Variants in PAM observed in about 807,000 individuals in gnomAD.
PAM encodes peptidylglycine alpha-amidating monooxygenase.
Under a neutral mutation model 122.1 loss-of-function variants are expected in PAM, and 72 were observed. The ratio of observed to expected loss-of-function variants is 0.59; its 90% CI spans 0.49 to 0.72. The LOEUF (loss-of-function observed/expected upper bound fraction) is 0.72, where lower values mean the gene tolerates loss of function less well. Ranked by LOEUF, PAM falls within the 30% of genes least tolerant of loss-of-function variation. The probability of loss-of-function intolerance (pLI) is 0.00; values close to 1 mark genes in which losing one functional copy is unlikely to be tolerated. For synonymous variants in PAM, 389 were observed against 404.4 expected, an observed-to-expected ratio of 0.96 and a Z score of 0.46; for missense variants, 1,106 against 1,183.7, an observed-to-expected ratio of 0.93 and a Z score of 0.96.
intron 2 of PAM, chr5:102,866,854 A>G (rs1157738635): frequency 1.9e-5 from 3 of 154,220 alleles, no homozygotes; most frequent in African/African-American, 7.2e-5. Flanking sequence ...AGAAATTTTT[A>G]CTGGGTCATG....
At chr5:102,801,286 CT>C (rs1395428164) in intron 1 of PAM, among the ~76,000 whole-genome samples, 2 of 152,104 alleles carry the variant, frequency 1.3e-5, no homozygotes, top group Admixed American at 6.5e-5. Flanking sequence ...TATCTTTCAG[CT>C]TTTAGGAAAA....
intron 3 of PAM, among the ~76,000 whole-genome samples, chr5:102,872,376 G>A (rs1483275128): frequency 6.6e-6 from 1 of 152,174 alleles, no homozygotes; most frequent in Non-Finnish European, 1.5e-5. Context: ...TGTTGTCGTT[G>A]AAATGAAACC....
chr5:102,973,282 C>T (rs1292842595), intron 14 of PAM, among the ~76,000 whole-genome samples: 1 of 152,020 alleles, frequency 6.6e-6, no homozygotes, highest in Non-Finnish European at 1.5e-5. Flanking sequence ...TTGAAGTCAT[C>T]GTGGAAATGA....
intron 3 of PAM, among the ~76,000 whole-genome samples, chr5:102,883,622 T>C (rs1297017399): frequency 1.3e-5 from 2 of 151,984 alleles, no homozygotes; most frequent in African/African-American, 4.8e-5. Context: ...GATGAATCTT[T>C]AGGGTTTTCT....
chr5:103,007,361 T>G, intron 19 of PAM, 96 bp from the exon 20 acceptor site: 13 of 967,522 alleles, frequency 1.3e-5, no homozygotes. Flanking sequence ...TCCAGGCATT[T>G]AATGGTTTAC....
intron 1 of PAM, among the ~76,000 whole-genome samples, chr5:102,756,690 G>A (rs950466714): frequency 7.2e-5 from 11 of 152,134 alleles, no homozygotes; most frequent in African/African-American, 2.4e-4. Flanking sequence ...CAGCTTTACA[G>A]GAAGTCAGGG....
At chr5:102,756,268 T>G (rs981184230) in intron 1 of PAM, among the ~76,000 whole-genome samples, 3 of 152,166 alleles carry the variant, frequency 2.0e-5, no homozygotes, top group Admixed American at 6.5e-5. Context: ...TCTGGGTGAT[T>G]TGGTCAGTAG....
At chr5:102,956,569 A>G (rs1226284102) in intron 12 of PAM, among the ~76,000 whole-genome samples, 1 of 152,098 alleles carries the variant, frequency 6.6e-6, no homozygotes, top group Non-Finnish European at 1.5e-5. Context: ...CAAACATGTA[A>G]CCTTGTACCT....
intron 1 of PAM, among the ~76,000 whole-genome samples, chr5:102,806,205 T>G (rs1210369432): frequency 6.6e-6 from 1 of 152,214 alleles, no homozygotes; most frequent in Non-Finnish European, 1.5e-5. Context: ...TTTAGACAGG[T>G]GGGTCATCTC....
chr5:102,831,703 C>T (rs915954418), intron 1 of PAM, among the ~76,000 whole-genome samples: 6 of 152,096 alleles, frequency 3.9e-5, no homozygotes, highest in Non-Finnish European at 8.8e-5. Context: ...TGTTGGCACA[C>T]AGTAAATTTC....
chr5:102,771,486 G>A (rs1755767436), intron 1 of PAM, among the ~76,000 whole-genome samples: 1 of 152,130 alleles, frequency 6.6e-6, no homozygotes, highest in Non-Finnish European at 1.5e-5. Context: ...TGGTATTCAA[G>A]CTACCAACTT....
chr5:102,903,917 ACT>A (rs1315137614), intron 4 of PAM, among the ~76,000 whole-genome samples: 2 of 151,458 alleles, frequency 1.3e-5, no homozygotes, highest in African/African-American at 2.4e-5. Flanking sequence ...TACTGGATAC[ACT>A]CTGGCCAGTT....
At chr5:102,969,636 G>A (rs1765228728) in intron 14 of PAM, among the ~76,000 whole-genome samples, 1 of 152,112 alleles carries the variant, frequency 6.6e-6, no homozygotes, top group African/African-American at 2.4e-5. Flanking sequence ...TTTCTGAGTT[G>A]ATTTACTCAA....
At position 102,865,835 on chromosome 5, in the gene PAM, G is replaced by A. The variant is rs143617515; in HGVS notation, c.-361G>A. 1,509 of 234,818 alleles carry A rather than the reference G, an allele frequency of 6.4e-3. 14 individuals are homozygous for A. The highest frequency in any genetic ancestry group is 9.5e-3 in the Middle Eastern group (7 of 738). The allele number at this position is 234,818 out of a possible 1,614,324, so 14.5% of individuals were successfully genotyped here. ...TCTATTTTTGCAGGTTCTGAATGATGACTGACGCGGGTTTGGGTGATACCC... is the reference window on the plus strand; with the variant it reads ...TCTATTTTTGCAGGTTCTGAATGATAACTGACGCGGGTTTGGGTGATACCC... On this transcript the variant is annotated 5_prime_UTR_variant, in exon 2 of 26. It removes an upstream start codon present in the reference 5' UTR. Coordinates refer to ENST00000438793, the MANE Select transcript of PAM (RefSeq NM_001177306.2).
rs35825092 is a variant in PAM, at chr5:102,841,406, TACACAC to T, written c.-373-24383_-373-24378del. On this transcript the variant is annotated intron_variant, in intron 1 of 25. Coordinates refer to ENST00000438793, the MANE Select transcript of PAM (RefSeq NM_001177306.2). ...CTGTTCATTCTCAAACACCTACAAA[TACACAC>T]ACACACACACACACACACACACACA... 9.2e-3 allele frequency among the ~76,000 whole-genome samples: 1,280 copies of T among 138,512 alleles called. 15 individuals are homozygous for T. The highest frequency in any genetic ancestry group is 0.019 in the African/African-American group (713 of 37,742). 90.9% of individuals were successfully genotyped at this position (138,512 alleles called of 152,430 possible).
intron 1 of PAM, among the ~76,000 whole-genome samples, chr5:102,846,965 G>A (rs986987959): frequency 1.3e-5 from 2 of 152,122 alleles, no homozygotes; most frequent in Non-Finnish European, 2.9e-5. Context: ...AAGTCAAGTG[G>A]ACAATTAGCT....
chr5:102,894,269 TAA>T (rs1795552696), intron 3 of PAM, among the ~76,000 whole-genome samples: 1 of 151,688 alleles, frequency 6.6e-6, no homozygotes, highest in Non-Finnish European at 1.5e-5. Flanking sequence ...AAAATATTAA[TAA>T]GTTAGGGATA....
At chr5:102,981,692 G>A (rs549939399) in intron 15 of PAM, among the ~76,000 whole-genome samples, 1 of 152,288 alleles carries the variant, frequency 6.6e-6, no homozygotes, top group South Asian at 2.1e-4. Context: ...CGTGATGAAA[G>A]CAATTAAATA....
chr5:102,929,742 C>T (rs78026142), intron 7 of PAM, among the ~76,000 whole-genome samples: 2,332 of 152,234 alleles, frequency 0.015, 45 homozygotes, highest in African/African-American at 0.052. Flanking sequence ...AGAGTATAAC[C>T]TGAAGCCATA....
Sources: allele counts gnomAD v4.1 joint callset (sites outside exome capture counted in the v4.1 genomes callset), GRCh38; gene constraint gnomAD v4.1.1; transcripts MANE v1.5; gene names NCBI Gene and HGNC (gene_info 2026-07-23, HGNC 2026-07-21).